The following GLRB variants were observed in gnomAD, a reference collection of about 807,000 sequenced individuals.
GLRB encodes the protein glycine receptor beta, also known as glycine receptor subunit beta.
Under a neutral mutation model 54.2 loss-of-function variants are expected in GLRB, and 33 were observed. That is an observed-to-expected ratio of 0.61 (90% confidence interval 0.46 to 0.81). GLRB has a LOEUF of 0.81. GLRB is among the 40% of genes least tolerant of loss of function. GLRB has a pLI of 0.00. For missense variants in GLRB, 572 were observed against 584.6 expected, an observed-to-expected ratio of 0.98 and a Z score of 0.22; for synonymous variants, 209 against 208.2, an observed-to-expected ratio of 1.00 and a Z score of -0.03.
intron 2 of GLRB, among the ~76,000 whole-genome samples, chr4:157,087,560 C>T (rs1246992983): frequency 6.6e-6 from 1 of 151,970 alleles, no homozygotes; most frequent in African/African-American, 2.4e-5. Flanking sequence ...TTTTGTTCCC[C>T]AATTTTTAAC....
chr4:157,127,777 A>G (rs1736066989), intron 4 of GLRB, among the ~76,000 whole-genome samples: 1 of 151,898 alleles, frequency 6.6e-6, no homozygotes, highest in Admixed American at 6.6e-5. Flanking sequence ...AAGAAGCCAA[A>G]GGAAAGAGGT....
chr4:157,084,978 G>T (rs144757011), intron 2 of GLRB, among the ~76,000 whole-genome samples: 6 of 152,258 alleles, frequency 3.9e-5, no homozygotes, highest in Middle Eastern at 3.4e-3. Context: ...ATTGAAAATT[G>T]CCTGTTATCA....
chr4:157,114,700 A>G (rs1735543382), intron 2 of GLRB, among the ~76,000 whole-genome samples: 1 of 151,692 alleles, frequency 6.6e-6, no homozygotes, highest in South Asian at 2.1e-4. Flanking sequence ...GAGTTTAGTA[A>G]AGTATCTGTC....
chr4:157,097,017 G>A (rs2126469194), intron 2 of GLRB, among the ~76,000 whole-genome samples: 1 of 152,218 alleles, frequency 6.6e-6, no homozygotes, highest in East Asian at 1.9e-4. Flanking sequence ...GTTTTAGTTT[G>A]TAGTAGCAAT....
chr4:157,134,412 C>A (rs901237240), intron 4 of GLRB, among the ~76,000 whole-genome samples: 1 of 151,714 alleles, frequency 6.6e-6, no homozygotes, highest in African/African-American at 2.4e-5. Context: ...TTTTTAATTA[C>A]CCAGGAGATT....
At chr4:157,078,283 A>G in intron 2 of GLRB, 137 bp downstream of exon 2, 2 of 1,440,312 alleles carry the variant, frequency 1.4e-6, no homozygotes, top group Admixed American at 2.1e-5. Context: ...AGAGACAGAA[A>G]ATGATAGGGT....
intron 9 of GLRB, among the ~76,000 whole-genome samples, chr4:157,154,186 A>G (rs994117606): frequency 3.3e-5 from 5 of 152,120 alleles, no homozygotes; most frequent in Non-Finnish European, 7.4e-5. Context: ...TCCTTAATAT[A>G]TCTTTTTCAT....
chr4:157,105,431 A>G (rs1483021732), intron 2 of GLRB, among the ~76,000 whole-genome samples: 1 of 152,054 alleles, frequency 6.6e-6, no homozygotes, highest in Non-Finnish European at 1.5e-5. Context: ...CTTGTTTTGG[A>G]ACCTAACATG....
chr4:157,126,144 G>GAAGC (rs1736009731), intron 4 of GLRB, among the ~76,000 whole-genome samples: 1 of 151,826 alleles, frequency 6.6e-6, no homozygotes, highest in Admixed American at 6.6e-5. Flanking sequence ...ATCAAACAAG[G>GAAGC]AAGCAAGCAA....
At chr4:157,135,343 G>A (rs1736361011) in intron 4 of GLRB, among the ~76,000 whole-genome samples, 1 of 152,036 alleles carries the variant, frequency 6.6e-6, no homozygotes, top group Non-Finnish European at 1.5e-5. Context: ...AGCACCTAAA[G>A]GTGGTGATAT....
chr4:157,099,298 A>G (rs1270341282), intron 2 of GLRB, among the ~76,000 whole-genome samples: 2 of 151,186 alleles, frequency 1.3e-5, no homozygotes, highest in African/African-American at 4.9e-5. Context: ...AATATTCATA[A>G]TGTTTTCAGT....
intron 9 of GLRB, among the ~76,000 whole-genome samples, chr4:157,161,777 T>G (rs1433299760): frequency 6.6e-6 from 1 of 152,190 alleles, no homozygotes; most frequent in Non-Finnish European, 1.5e-5. Flanking sequence ...TTTCCTTCAT[T>G]TCAACTTTAG....
At chr4:157,148,024 A>G (rs1228615990) in intron 8 of GLRB, among the ~76,000 whole-genome samples, 3 of 152,242 alleles carry the variant, frequency 2.0e-5, no homozygotes, top group African/African-American at 7.2e-5. Context: ...GGTCCATAGT[A>G]TCAGAAGAGA....
At chr4:157,102,349 T>A (rs1579199308) in intron 2 of GLRB, among the ~76,000 whole-genome samples, 2 of 152,284 alleles carry the variant, frequency 1.3e-5, no homozygotes, top group South Asian at 4.1e-4. Context: ...CCATTTTCCC[T>A]ACCCCCAGCC....
chr4:157,115,312 C>CT (rs1735571173), intron 2 of GLRB, among the ~76,000 whole-genome samples: 2 of 126,732 alleles, frequency 1.6e-5, no homozygotes, highest in South Asian at 2.6e-4. Context: ...GATACCTGCT[C>CT]TTTAAAAAAA....
intron 2 of GLRB, among the ~76,000 whole-genome samples, chr4:157,091,782 ACTT>A (rs1734627388): frequency 6.6e-6 from 1 of 151,986 alleles, no homozygotes; most frequent in East Asian, 1.9e-4. Flanking sequence ...GCCATGCTGC[ACTT>A]CTTGGTGTTC....
intron 2 of GLRB, among the ~76,000 whole-genome samples, chr4:157,103,867 A>G (rs1327671354): frequency 6.6e-6 from 1 of 151,890 alleles, no homozygotes; most frequent in Non-Finnish European, 1.5e-5. Context: ...ATAGAAAAGC[A>G]ATTGATGTTT....
intron 4 of GLRB, among the ~76,000 whole-genome samples, chr4:157,128,988 A>G (rs1006989573): frequency 7.9e-5 from 12 of 151,920 alleles, no homozygotes; most frequent in Admixed American, 5.9e-4. Context: ...AAGATTATAT[A>G]TGTGAGCTAT....
intron 2 of GLRB, among the ~76,000 whole-genome samples, chr4:157,090,510 A>G (rs1318469331): frequency 6.6e-6 from 1 of 152,188 alleles, no homozygotes; most frequent in Non-Finnish European, 1.5e-5. Context: ...GAAAAAGGGA[A>G]GAGTATTTTA....
Sources: allele counts gnomAD v4.1 joint callset (sites outside exome capture counted in the v4.1 genomes callset), GRCh38; gene constraint gnomAD v4.1.1; transcripts MANE v1.5; gene names NCBI Gene and HGNC (gene_info 2026-07-23, HGNC 2026-07-21).